SYNE4: variants seen among roughly 807,000 people sequenced by gnomAD.
SYNE4 encodes nesprin-4.
In SYNE4, 41 loss-of-function variants were observed where a neutral mutation model predicts 46.9. The ratio of observed to expected loss-of-function variants is 0.87; its 90% CI spans 0.68 to 1.13. SYNE4 has a LOEUF of 1.13. Among genes scored for constraint, SYNE4 ranks in the 50% most tolerant of loss-of-function variants. SYNE4 has a pLI of 0.00. For synonymous variants in SYNE4, 221 were observed against 219.5 expected, an observed-to-expected ratio of 1.01 and a Z score of -0.06; for missense variants, 492 against 514.8, an observed-to-expected ratio of 0.96 and a Z score of 0.43.
In SYNE4 at chr19:36,005,377, G is replaced by A. The variant is rs752324419; in HGVS notation, c.928C>T (p.Arg310Cys). 1.4e-5 allele frequency: 22 copies of A among 1,613,978 alleles called. No homozygotes were observed. The East Asian group carries it at 3.6e-4, about 26-fold the overall frequency. Residue 310 changes from arginine (R) to cysteine (C), a missense_variant, in exon 6 of 8, where the codon CGC becomes TGC. Physicochemically the swap from Arg to Cys is radical, Grantham distance 180. Transcript: ENST00000324444. Reference protein sequence around the residue: ...MLESGLGHQKRLARHQRHSLL... With the variant: ...MLESGLGHQKCLARHQRHSLL... ...GAGTGTCTTTGGTGACGTGCTAAGC[G>A]TTTCTGGTGGCCGAGGCCAGACTCC...
rs112964357 is a variant in SYNE4, at chr19:36,006,630, G to A, written c.660C>T (p.Val220=). The A allele has an allele frequency of 2.9e-4, 460 of 1,609,956 alleles. 1 individual carries two copies. The highest frequency in any genetic ancestry group is 3.6e-4 in the Non-Finnish European group (422 of 1,177,890). ...EANTLDQDLE[V]EGDSDWPGPG... is the part of the protein sequence containing the mutation. ...GTCCTGGCCAGTCCGAGTCTCCCTC[G>A]ACCTCCAAGTCCTGGTCCAGCGTGT... is the stretch of plus-strand genomic sequence containing the variant. Residue 220 remains valine, a synonymous_variant, in exon 5 of 8, where the codon GTC becomes GTT. Transcript: ENST00000324444.
Position 36,008,361 on chromosome 19 carries a change from C to G in SYNE4, c.135G>C (p.Glu45Asp). The G allele has an allele frequency of 1.9e-6, 3 of 1,559,006 alleles. No individual in the cohort carries two copies. The highest frequency in any genetic ancestry group is 1.7e-6 in the Non-Finnish European group (2 of 1,150,126). The change falls in exon 2 of 8, where the codon GAG becomes GAC. Residue 45 changes from glutamate (E) to aspartate (D), a missense_variant. Coordinates refer to ENST00000324444, the MANE Select transcript of SYNE4 (RefSeq NM_001039876.3). ...AGTCCTGTCCCAGGGTCTGGGCCTG[C>G]TCTGGGCTAGGAGGCAGGGGGCGGT... ...PASGEESTSP[E>D]QAQTLGQDSL...
chr19:36,007,467 G>A (rs1345329498), intron 2 of SYNE4, 199 bp from the exon 3 acceptor site: 2 of 985,368 alleles, frequency 2.0e-6, no homozygotes, highest in East Asian at 2.3e-4. Flanking sequence ...TCTAGTTCAA[G>A]GTCTCCAGGT....
chr19:36,008,022 C>CA (rs569124783), intron 2 of SYNE4, among the ~76,000 whole-genome samples, 195 bp downstream of exon 2: 249 of 141,294 alleles, frequency 1.8e-3, no homozygotes, highest in African/African-American at 3.2e-3. Flanking sequence ...GACTCCATCT[C>CA]AAAAAAAAAA....
chr19:36,008,469 C>T (rs1184858037), intron 1 of SYNE4, 85 bp downstream of exon 1: 3 of 1,604,680 alleles, frequency 1.9e-6, no homozygotes, highest in Non-Finnish European at 2.5e-6. Flanking sequence ...CAGGCGATCA[C>T]AGCCATGGCA....
At chr19:36,004,673 T>G (rs903883662) in intron 6 of SYNE4, among the ~76,000 whole-genome samples, 2 of 151,948 alleles carry the variant, frequency 1.3e-5, no homozygotes, top group African/African-American at 2.4e-5. Context: ...CCCCATCCGG[T>G]AAGTGGGAGT....
At chr19:36,007,578 A>T in intron 2 of SYNE4, 1 of 985,348 alleles carries the variant, frequency 1.0e-6, no homozygotes, top group Non-Finnish European at 1.2e-6. Flanking sequence ...ACCAGGAGCA[A>T]TGATGAAATG....
intron 7 of SYNE4, 23 bp downstream of exon 7, chr19:36,003,590 G>A (rs765581677): frequency 6.2e-7 from 1 of 1,611,436 alleles, no homozygotes; most frequent in East Asian, 2.2e-5. Context: ...CCACACCCTA[G>A]TCCCATCTCT....
Position 36,007,242 on chromosome 19 carries a change from TA to T in SYNE4, c.305del (p.Leu102GlnfsTer57). The T allele has an allele frequency of 6.3e-7, 1 of 1,597,870 alleles. No individual in the cohort carries two copies. The highest frequency in any genetic ancestry group is 8.5e-7 in the Non-Finnish European group (1 of 1,172,908). On this transcript the variant is annotated frameshift_variant, in exon 3 of 8. Transcript: ENST00000324444. LOFTEE classifies it high-confidence loss of function. ...GGTGCAGGCTGTTCTGCTCAGCCTC[TA>T]GTACCTCCAGGCCAGAAATGGGGTG... is the stretch of plus-strand genomic sequence containing the variant. ...CEHPISGLEV[L>X]EAEQNSLHLC...
Position 36,008,811 on chromosome 19 carries a change from T to A in SYNE4, c.-130A>T, listed in dbSNP as rs567134195. 7.0e-7 allele frequency: 1 copy of A among 1,433,996 alleles called. No individual in the cohort carries two copies. The highest frequency in any genetic ancestry group is 2.9e-5 in the Admixed American group (1 of 34,802). The allele number at this position is 1,433,996 out of a possible 1,614,324, so 88.8% of individuals were successfully genotyped here. ...GGCTGCAGGAGAGGCCCAGGACAGGTCTGGCTCCGCCCCTTCCAAGAGGAA... is the reference window on the plus strand; with the variant it reads ...GGCTGCAGGAGAGGCCCAGGACAGGACTGGCTCCGCCCCTTCCAAGAGGAA... On this transcript the variant is annotated 5_prime_UTR_variant, in exon 1 of 8. Transcript: ENST00000324444.
At position 36,006,411 on chromosome 19, in the gene SYNE4, G is replaced by C. The variant is rs772589862; in HGVS notation, c.867+12C>G. The C allele has an allele frequency of 1.3e-6, 2 of 1,598,162 alleles. No homozygotes were observed. Among genetic ancestry groups the C allele is most frequent in the South Asian group, 1.1e-5 (1 of 89,510 alleles). ...GCCTGGCAGAAGGTCCCTCAAGGGG[G>C]TCTGCTCTCACCTCAAGGCCTTGTC... is the stretch of plus-strand genomic sequence containing the variant. On this transcript the variant is annotated intron_variant, in intron 5 of 7. Transcript: ENST00000324444.
intron 2 of SYNE4, among the ~76,000 whole-genome samples, 169 bp downstream of exon 2, chr19:36,008,048 C>T (rs748345007): frequency 2.6e-5 from 4 of 151,772 alleles, no homozygotes; most frequent in Non-Finnish European, 4.4e-5. Flanking sequence ...GAAAGAAATA[C>T]GTCTCCCCAG....
At chr19:36,006,300 C>CA in intron 5 of SYNE4, 123 bp downstream of exon 5, 1 of 1,284,792 alleles carries the variant, frequency 7.8e-7, no homozygotes, top group South Asian at 1.7e-5. Context: ...CACCGAGAGA[C>CA]AGAGATAGAG....
intron 6 of SYNE4, 37 bp downstream of exon 6, chr19:36,005,296 A>G: frequency 6.3e-7 from 1 of 1,595,652 alleles, no homozygotes. Context: ...TGCCATCAAG[A>G]TTCCTGAGTG....
chr19:36,005,500 G>A, intron 5 of SYNE4, 63 bp from the exon 6 acceptor site: 1 of 1,488,382 alleles, frequency 6.7e-7, no homozygotes, highest in African/African-American at 1.4e-5. Flanking sequence ...ATGTCATAGA[G>A]ATGAGATTCT....
intron 2 of SYNE4, chr19:36,007,599 G>A (rs914536253): frequency 3.5e-5 from 34 of 985,220 alleles, no homozygotes; most frequent in Middle Eastern, 5.2e-4. Flanking sequence ...CTTCTCAGCC[G>A]GGCGCAGTGG....
chr19:36,006,854 C>A lies in SYNE4; in HGVS notation c.514G>T (p.Ala172Ser). Residue 172 changes from alanine to serine, a missense_variant, in exon 4 of 8, where the codon GCC becomes TCC. Transcript: ENST00000324444. ...AGGATCTGCTCCAGGGCTGCCCAGG[C>A]CCTGGGCTCACTCCGCTGTGCCAGC... Reference protein sequence around the residue: ...EGLAQRSEPRAWAALEQILRA... With the variant: ...EGLAQRSEPRSWAALEQILRA... 6.3e-7 allele frequency: 1 copy of A among 1,587,300 alleles called. No homozygotes were observed. Among genetic ancestry groups the A allele is most frequent in the South Asian group, 1.1e-5 (1 of 87,718 alleles).
chr19:36,006,389 T>C (rs748486286), intron 5 of SYNE4, 34 bp downstream of exon 5: 5 of 1,561,420 alleles, frequency 3.2e-6, no homozygotes, highest in Non-Finnish European at 4.3e-6. Flanking sequence ...CCAGGGTGCC[T>C]GGCAGAAGGT....
intron 5 of SYNE4, chr19:36,005,655 T>A (rs1976823934): frequency 1.9e-6 from 1 of 522,906 alleles, no homozygotes; most frequent in Non-Finnish European, 3.4e-6. Flanking sequence ...GAGGACACAG[T>A]GGGGATGGAA....
Sources: gnomAD v4.1 joint callset for allele counts (sites outside exome capture counted in the v4.1 genomes callset) on GRCh38, gnomAD v4.1.1 for gene constraint, MANE v1.5 for transcripts, NCBI Gene and HGNC (gene_info 2026-07-23, HGNC 2026-07-21) for gene names.